Variants in WDR27 observed in about 807,000 individuals in gnomAD.
WDR27 encodes the protein WD repeat domain 27, also known as WD repeat-containing protein 27.
A neutral mutation model predicts 114.4 loss-of-function variants in WDR27; 100 were observed. The observed-to-expected ratio is 0.87, with a 90% CI of 0.74 to 1.03. The LOEUF is 1.03. Ranked by LOEUF, WDR27 falls within the 50% of genes least tolerant of loss-of-function variation. The probability of loss-of-function intolerance (pLI) is 0.00; values close to 1 mark genes in which losing one functional copy is unlikely to be tolerated. For missense variants in WDR27, 1,129 were observed against 1,092.9 expected (o/e 1.03, Z -0.47); for synonymous variants, 449 against 423.1 (o/e 1.06, Z -0.75).
At chr6:169,660,860 GCA>G in intron 9 of WDR27, 94 bp from the exon 10 acceptor site, 1 of 1,056,408 alleles carries the variant, frequency 9.5e-7, no homozygotes. Flanking sequence ...TGAGCTCTCC[GCA>G]GGAGTGGGGA....
chr6:169,678,166 T>C (rs1780550347), intron 2 of WDR27, among the ~76,000 whole-genome samples: 1 of 152,148 alleles, frequency 6.6e-6, no homozygotes, highest in African/African-American at 2.4e-5. Context: ...TCCAGCAGCT[T>C]ACACCCTGCT....
intron 25 of WDR27, among the ~76,000 whole-genome samples, chr6:169,497,976 T>C (rs1006827384): frequency 2.0e-5 from 3 of 152,158 alleles, no homozygotes. Context: ...AACAGCATCA[T>C]TCACAATAGC....
intron 13 of WDR27, among the ~76,000 whole-genome samples, chr6:169,654,701 A>C (rs576712556): frequency 8.7e-5 from 13 of 150,194 alleles, no homozygotes; most frequent in East Asian, 2.1e-4. Context: ...CGAGCTGAGG[A>C]GGAGGCGCGC....
intron 24 of WDR27, among the ~76,000 whole-genome samples, chr6:169,581,050 T>G (rs1336110567): frequency 6.6e-6 from 1 of 151,654 alleles, no homozygotes; most frequent in Admixed American, 6.6e-5. Context: ...CTGCCTGTTC[T>G]TTAGCGGCCC....
intron 25 of WDR27, among the ~76,000 whole-genome samples, chr6:169,530,683 C>G (rs1158550996): frequency 2.0e-5 from 3 of 152,230 alleles, no homozygotes; most frequent in African/African-American, 7.2e-5. Flanking sequence ...CACCGCCCAG[C>G]AGCAGCTCAG....
the WDR27 span, among the ~76,000 whole-genome samples, chr6:169,441,918 G>A: frequency 8.4e-6 from 1 of 119,542 alleles, no homozygotes; most frequent in East Asian, 4.7e-4. Flanking sequence ...CACCTCAGAA[G>A]CAAAATGTTT....
chr6:169,446,431 G>GGGACCAGGGTGCAGGGAAGGTGGGC, the WDR27 span, among the ~76,000 whole-genome samples: 2 of 152,198 alleles, frequency 1.3e-5, no homozygotes, highest in African/African-American at 4.8e-5. Flanking sequence ...GGCACAAGGC[G>GGGACCAGGGTGCAGGGAAGGTGGGC]AGGTCTGGCT....
the WDR27 span, chr6:169,426,740 G>A: frequency 6.6e-6 from 1 of 152,170 alleles, no homozygotes; most frequent in Non-Finnish European, 1.5e-5. Flanking sequence ...TGGTGTCACT[G>A]TGCTGCACAG....
intron 23 of WDR27, among the ~76,000 whole-genome samples, chr6:169,592,422 C>T (rs1343854633): frequency 1.3e-5 from 2 of 152,150 alleles, no homozygotes; most frequent in Non-Finnish European, 2.9e-5. Flanking sequence ...CTTGTTAATA[C>T]CGGAATGGTT....
intron 25 of WDR27, among the ~76,000 whole-genome samples, chr6:169,471,462 T>C (rs963804800): frequency 6.6e-6 from 1 of 152,154 alleles, no homozygotes; most frequent in African/African-American, 2.4e-5. Flanking sequence ...GTCATTTTCA[T>C]GAGTTTGATT....
chr6:169,481,484 C>G (rs774240851), intron 25 of WDR27, among the ~76,000 whole-genome samples: 13 of 152,350 alleles, frequency 8.5e-5, no homozygotes, highest in Non-Finnish European at 1.8e-4. Flanking sequence ...CTTGTTCTTT[C>G]ACTCTTCGCA....
chr6:169,581,119 GTATAAC>G (rs1181586630), intron 24 of WDR27, among the ~76,000 whole-genome samples: 3 of 151,756 alleles, frequency 2.0e-5, no homozygotes, highest in Non-Finnish European at 4.4e-5. Context: ...TCTTTATTTT[GTATAAC>G]TATATTTACG....
chr6:169,461,647 T>TAAAA (rs143277767), intron 25 of WDR27, among the ~76,000 whole-genome samples: 1 of 138,048 alleles, frequency 7.2e-6, no homozygotes, highest in Non-Finnish European at 1.6e-5. Flanking sequence ...ATGCTTGTAT[T>TAAAA]AAAAAAAAAA....
intron 25 of WDR27, among the ~76,000 whole-genome samples, chr6:169,471,307 A>G (rs1786356809): frequency 6.6e-6 from 1 of 152,124 alleles, no homozygotes; most frequent in African/African-American, 2.4e-5. Flanking sequence ...TTCACAGCCA[A>G]TCATCATCTC....
rs141012702 is a variant in WDR27, at chr6:169,695,388, G to A, written c.-8+6163C>T. On this transcript the variant is annotated intron_variant, in intron 1 of 25. Transcript: ENST00000448612. ...TTGGCAGGGGAGAAGCATAGATTCC[G>A]TTTTGGATACGTTATGTCAAATGCT... Among the ~76,000 whole-genome samples, 369 of 152,308 alleles carry A rather than the reference G, an allele frequency of 2.4e-3. 2 individuals carry two copies. The highest frequency in any genetic ancestry group is 7.9e-3 in the African/African-American group (328 of 41,576).
At chr6:169,583,594 C>A (rs1217753213) in intron 23 of WDR27, among the ~76,000 whole-genome samples, 2 of 149,296 alleles carry the variant, frequency 1.3e-5, no homozygotes, top group African/African-American at 5.0e-5. Context: ...ATTTTGGAGA[C>A]AAAATCTGTT....
intron 25 of WDR27, among the ~76,000 whole-genome samples, chr6:169,492,510 T>C (rs1162016358): frequency 6.6e-6 from 1 of 152,028 alleles, no homozygotes; most frequent in African/African-American, 2.4e-5. Context: ...AGGAGAAAAA[T>C]GTTTTTAAAG....
chr6:169,602,365 T>A, intron 22 of WDR27, 44 bp from the exon 23 acceptor site: 1 of 1,323,438 alleles, frequency 7.6e-7, no homozygotes, highest in Non-Finnish European at 1.1e-6. Context: ...CATTTTAAAA[T>A]TTGAATGCAA....
intron 21 of WDR27, among the ~76,000 whole-genome samples, chr6:169,615,691 T>C (rs1811655755): frequency 6.6e-6 from 1 of 152,148 alleles, no homozygotes; most frequent in Non-Finnish European, 1.5e-5. Flanking sequence ...GAAGATAACC[T>C]AGGCAATACC....
Sources: gnomAD v4.1 joint callset for allele counts (sites outside exome capture counted in the v4.1 genomes callset) on GRCh38, gnomAD v4.1.1 for gene constraint, MANE v1.5 for transcripts, NCBI Gene and HGNC (gene_info 2026-07-23, HGNC 2026-07-21) for gene names.